PUM1: variants seen among roughly 807,000 people sequenced by gnomAD.
PUM1 encodes the protein pumilio homolog 1.
Under a neutral mutation model 131.8 loss-of-function variants are expected in PUM1, and 13 were observed. That is an observed-to-expected ratio of 0.10 (90% CI 0.06 to 0.16). The LOEUF (loss-of-function observed/expected upper bound fraction) is 0.16, where lower values mean the gene tolerates loss of function less well. Ranked by LOEUF, PUM1 falls within the 10% of genes least tolerant of loss-of-function variation. The pLI, the probability that PUM1 is intolerant of heterozygous loss-of-function variation, is 1.00. For missense variants in PUM1, 961 were observed against 1,512.4 expected (o/e 0.64, Z 6.05); for synonymous variants, 509 against 556.5 (o/e 0.91, Z 1.20).
chr1:30,966,179 G>A lies in PUM1; in HGVS notation c.1889C>T (p.Pro630Leu). The change falls in exon 13 of 22, where the codon CCC becomes CTC. Residue 630 changes from proline to leucine, a missense_variant. By Grantham distance (98) the Pro-to-Leu change is moderately conservative. This residue lies in a region of PUM1 where 654 missense variants were observed against 923.9 expected (regional missense o/e 0.71). Transcript: ENST00000426105. ...FRPLGTQQPQPQPQQQPNNNL... is the reference protein window; with the variant it reads ...FRPLGTQQPQLQPQQQPNNNL... ...GTTATTGGGCTGCTGCTGGGGCTGG[G>A]GCTGAGGCTGCTGTGTTCCTAAAGG... 2 of 1,614,122 alleles carry A rather than the reference G, an allele frequency of 1.2e-6. No homozygotes were observed. Among genetic ancestry groups the A allele is most frequent in the Non-Finnish European group, 8.5e-7 (1 of 1,180,018 alleles).
chr1:31,048,804 T>A (rs1418581595), intron 2 of PUM1, among the ~76,000 whole-genome samples: 1 of 152,166 alleles, frequency 6.6e-6, no homozygotes. Flanking sequence ...CCCATTATTC[T>A]GGTGCATATT....
intron 5 of PUM1, among the ~76,000 whole-genome samples, chr1:31,000,983 G>A (rs907157950): frequency 1.3e-5 from 2 of 151,994 alleles, no homozygotes; most frequent in Non-Finnish European, 2.9e-5. Flanking sequence ...TCAGGAGAGC[G>A]AGACCATCCT....
intron 2 of PUM1, chr1:31,037,080 A>C (rs529825597): frequency 6.5e-6 from 1 of 153,810 alleles, no homozygotes; most frequent in African/African-American, 2.4e-5. Context: ...GGTCAGAAGA[A>C]ACTAAAAGAC....
intron 5 of PUM1, among the ~76,000 whole-genome samples, chr1:30,998,424 G>C (rs934044833): frequency 1.3e-5 from 2 of 152,068 alleles, no homozygotes; most frequent in Non-Finnish European, 2.9e-5. Context: ...CTAGGTTGAG[G>C]CCTAGAGTTC....
chr1:30,955,275 G>A (rs1401179194), intron 14 of PUM1, among the ~76,000 whole-genome samples: 2 of 137,608 alleles, frequency 1.5e-5, no homozygotes, highest in Non-Finnish European at 3.1e-5. Flanking sequence ...CTAACACGGT[G>A]AAACCCCGAC....
intron 2 of PUM1, among the ~76,000 whole-genome samples, chr1:31,041,582 T>C (rs1174123400): frequency 6.6e-6 from 1 of 152,032 alleles, no homozygotes; most frequent in African/African-American, 2.4e-5. Context: ...ATCCTCCCCA[T>C]GGTAATGAGT....
intron 11 of PUM1, 32 bp from the exon 12 acceptor site, chr1:30,967,342 A>T (rs1640662519): frequency 6.3e-7 from 1 of 1,591,680 alleles, no homozygotes; most frequent in African/African-American, 1.3e-5. Context: ...AGAAATGTAT[A>T]TGTTAAACAA....
chr1:31,013,841 T>C (rs573431372), intron 3 of PUM1, among the ~76,000 whole-genome samples: 55 of 152,354 alleles, frequency 3.6e-4, no homozygotes, highest in African/African-American at 1.3e-3. Flanking sequence ...TCAAGTGAGA[T>C]AGTATATGAA....
intron 9 of PUM1, among the ~76,000 whole-genome samples, chr1:30,978,739 T>C (rs550561256): frequency 6.6e-6 from 1 of 152,206 alleles, no homozygotes; most frequent in Non-Finnish European, 1.5e-5. Context: ...TGACGGTAAC[T>C]GTGCAACACA....
intron 16 of PUM1, among the ~76,000 whole-genome samples, chr1:30,951,284 C>T (rs1639923584): frequency 6.6e-6 from 1 of 152,090 alleles, no homozygotes; most frequent in South Asian, 2.1e-4. Context: ...TGTGACAAAA[C>T]GGCAGTGCAA....
At chr1:31,025,426 T>G (rs892511137) in intron 3 of PUM1, among the ~76,000 whole-genome samples, 2 of 152,092 alleles carry the variant, frequency 1.3e-5, no homozygotes, top group African/African-American at 2.4e-5. Context: ...CACACGCGCA[T>G]AGGTGCCCAC....
chr1:31,011,164 TACACACACACACACACAC>T lies in PUM1; in HGVS notation c.433-4080_433-4063del, dbSNP rs138764103. On this transcript the variant is annotated intron_variant, in intron 3 of 21. Transcript: ENST00000426105. Reference sequence around the variant, plus strand: ...CAGAGTGAGACCCTATCTCTTAAAATACACACACACACACACACACACACACACACACACACACACTGT... The same window carrying T: ...CAGAGTGAGACCCTATCTCTTAAAATACACACACACACACACACACACTGT... Among the ~76,000 whole-genome samples the T allele has an allele frequency of 2.5e-3, 359 of 143,080 alleles. 4 individuals carry two copies. The East Asian group carries it at 0.031, about 12-fold the overall frequency. 93.9% of individuals were successfully genotyped at this position (143,080 alleles called of 152,430 possible).
At chr1:30,990,019 T>C (rs1641726079) in intron 7 of PUM1, among the ~76,000 whole-genome samples, 1 of 152,230 alleles carries the variant, frequency 6.6e-6, no homozygotes, top group African/African-American at 2.4e-5. Context: ...TCCTGGATAT[T>C]ATACAGCATA....
At chr1:30,949,370 G>A (rs889859944) in intron 17 of PUM1, among the ~76,000 whole-genome samples, 1 of 138,664 alleles carries the variant, frequency 7.2e-6, no homozygotes, top group African/African-American at 2.9e-5. Context: ...TGTGGTGTCT[G>A]CAGTGCTCAC....
chr1:30,971,416 T>G (rs964413575), intron 10 of PUM1, among the ~76,000 whole-genome samples: 1 of 152,244 alleles, frequency 6.6e-6, no homozygotes, highest in African/African-American at 2.4e-5. Context: ...TTAGTAGGGT[T>G]TGACAGAACC....
At chr1:30,991,506 A>G (rs1167770657) in intron 7 of PUM1, among the ~76,000 whole-genome samples, 7 of 152,208 alleles carry the variant, frequency 4.6e-5, no homozygotes, top group African/African-American at 1.4e-4. Context: ...AAAGACCATA[A>G]GCTAATTTCC....
At chr1:30,934,794 C>T (rs908910795) in intron 21 of PUM1, among the ~76,000 whole-genome samples, 4 of 152,168 alleles carry the variant, frequency 2.6e-5, no homozygotes, top group Admixed American at 1.3e-4. Flanking sequence ...AGGCACTTCA[C>T]CTTTGTACTT....
At chr1:31,002,625 G>C (rs1642256230) in intron 5 of PUM1, among the ~76,000 whole-genome samples, 2 of 152,116 alleles carry the variant, frequency 1.3e-5, no homozygotes, top group African/African-American at 4.8e-5. Context: ...GGGGGGCTGT[G>C]GGGTGAGCAC....
intron 21 of PUM1, among the ~76,000 whole-genome samples, chr1:30,934,525 T>C (rs984882920): frequency 1.3e-5 from 2 of 152,216 alleles, no homozygotes; most frequent in African/African-American, 4.8e-5. Context: ...GGGTGTCACA[T>C]TCCCACTTTG....
Sources: gnomAD v4.1 joint callset for allele counts (sites outside exome capture counted in the v4.1 genomes callset) on GRCh38, gnomAD v4.1.1 for gene constraint, gnomAD v4.1.1 regional missense constraint, MANE v1.5 for transcripts, NCBI Gene and HGNC (gene_info 2026-07-23, HGNC 2026-07-21) for gene names.